CDH23: variants seen among roughly 807,000 people sequenced by gnomAD.
The protein encoded by CDH23 is cadherin related 23, also known as cadherin-23.
In CDH23, 189 loss-of-function variants were observed where a neutral mutation model predicts 317.1. The observed-to-expected ratio is 0.60, with a 90% CI of 0.53 to 0.67. The LOEUF (loss-of-function observed/expected upper bound fraction) is 0.67. Ranked by LOEUF, CDH23 falls within the 30% of genes least tolerant of loss-of-function variation. CDH23 has a pLI of 0.00. For missense variants in CDH23, 4,401 were observed against 4,592.4 expected, an observed-to-expected ratio of 0.96 and a Z score of 1.20; for synonymous variants, 1,839 against 1,876.8, an observed-to-expected ratio of 0.98 and a Z score of 0.52.
Position 71,815,344 on chromosome 10 carries a change from C to A in CDH23, c.*66C>A. On this transcript the variant is annotated 3_prime_UTR_variant, in exon 70 of 70. Coordinates refer to ENST00000224721, the MANE Select transcript of CDH23 (RefSeq NM_022124.6). ...ACCGTCCCCTCCCAGGGAGCAAGGG[C>A]AGGGACAGGGCCGGTCGGGGGGGAC... 1 of 1,432,516 alleles carries A rather than the reference C, an allele frequency of 7.0e-7. No individual in the cohort carries two copies. The highest frequency in any genetic ancestry group is 1.4e-5 in the South Asian group (1 of 70,222). 88.7% of individuals were successfully genotyped at this position (1,432,516 alleles called of 1,614,324 possible).
At chr10:71,637,065 T>C (rs1031804024) in intron 11 of CDH23, among the ~76,000 whole-genome samples, 2 of 152,166 alleles carry the variant, frequency 1.3e-5, no homozygotes, top group Non-Finnish European at 2.9e-5. Context: ...GAGTTGAAGG[T>C]GGAAGGAGAG....
chr10:71,430,971 C>T (rs1307819430), intron 1 of CDH23, among the ~76,000 whole-genome samples: 1 of 152,086 alleles, frequency 6.6e-6, no homozygotes, highest in Non-Finnish European at 1.5e-5. Context: ...AGCTAGGAGT[C>T]GGATAGCATG....
At chr10:71,452,742 G>A (rs372900798) in intron 3 of CDH23, among the ~76,000 whole-genome samples, 2 of 152,122 alleles carry the variant, frequency 1.3e-5, no homozygotes, top group South Asian at 4.1e-4. Flanking sequence ...AGCGATTTTA[G>A]TGTCTCTATT....
At chr10:71,750,009 T>C (rs748505) in intron 38 of CDH23, 49,361 of 152,060 alleles carry the variant, frequency 0.32, 9,183 homozygotes, top group African/African-American at 0.51. Context: ...ACCTCACCTG[T>C]CCCCATGCTC....
chr10:71,670,671 A>C (rs566688127), intron 14 of CDH23, among the ~76,000 whole-genome samples: 2 of 152,194 alleles, frequency 1.3e-5, no homozygotes, highest in Non-Finnish European at 2.9e-5. Flanking sequence ...ACTAAGCCCA[A>C]CCAGACTGTG....
intron 33 of CDH23, 118 bp from the exon 34 acceptor site, chr10:71,734,538 G>A: frequency 6.2e-7 from 1 of 1,606,326 alleles, no homozygotes; most frequent in Non-Finnish European, 8.5e-7. Flanking sequence ...CAGGCAGGTG[G>A]AGGGTGGCAC....
intron 11 of CDH23, among the ~76,000 whole-genome samples, chr10:71,619,740 AGGCCG>A (rs1415974685): frequency 1.3e-5 from 2 of 152,162 alleles, no homozygotes; most frequent in African/African-American, 2.4e-5. Context: ...GTGGGGAGGT[AGGCCG>A]GGACCCAGGT....
intron 14 of CDH23, among the ~76,000 whole-genome samples, chr10:71,657,352 A>G (rs1401668348): frequency 1.3e-5 from 2 of 152,242 alleles, no homozygotes; most frequent in Non-Finnish European, 2.9e-5. Context: ...GTCATAGGCC[A>G]GGGCCTGCCT....
chr10:71,656,919 G>T (rs1297725803), intron 14 of CDH23, among the ~76,000 whole-genome samples: 2 of 152,174 alleles, frequency 1.3e-5, no homozygotes, highest in African/African-American at 2.4e-5. Context: ...ATAGGCGGGG[G>T]GTAGGGGATG....
rs771799409 is a variant in CDH23 at position 71,790,316 on chromosome 10, C to T, written c.5952C>T (p.Pro1984=). 6.2e-7 allele frequency: 1 copy of T among 1,613,900 alleles called. No homozygotes were observed. The highest frequency in any genetic ancestry group is 8.5e-7 in the Non-Finnish European group (1 of 1,179,868). The change falls in exon 46 of 70, where the codon CCC becomes CCT. Residue 1984 remains proline (P), a synonymous_variant. Coordinates refer to ENST00000224721, the MANE Select transcript of CDH23 (RefSeq NM_022124.6). ...AGTPLTVLNG[P]ILALDADQDI... ...CCCCTCTCACGGTGCTCAATGGGCC[C>T]ATCCTGGCCCTGGATGCAGACCAAG...
intron 55 of CDH23, among the ~76,000 whole-genome samples, chr10:71,804,049 G>C (rs1248124393): frequency 6.8e-6 from 1 of 147,676 alleles, no homozygotes; most frequent in Non-Finnish European, 1.5e-5. Flanking sequence ...CAACGACTTT[G>C]AGCAAGTGAC....
chr10:71,677,508 T>C lies in CDH23; in HGVS notation c.1567T>C (p.Tyr523His). ...GLIMLIARLD[Y>H]ELIQRFTLTI... Reference sequence around the variant, plus strand: ...CATCATGCTGATTGCCAGGCTGGACTATGAGCTCATCCAGCGCTTCACCCT... The same window carrying C: ...CATCATGCTGATTGCCAGGCTGGACCATGAGCTCATCCAGCGCTTCACCCT... The change falls in exon 16 of 70, where the codon TAT becomes CAT. Residue 523 changes from tyrosine to histidine, a missense_variant. Physicochemically the swap from Tyr to His is moderately conservative, Grantham distance 83. Around this residue, in one of 3 missense-constraint regions of CDH23, gnomAD observed 3,068 missense variants for 3,203.3 expected, o/e 0.96. Coordinates refer to ENST00000224721, the MANE Select transcript of CDH23 (RefSeq NM_022124.6). 1 of 1,612,268 alleles carries C rather than the reference T, an allele frequency of 6.2e-7. No homozygotes were observed. Among genetic ancestry groups the C allele is most frequent in the Admixed American group, 1.7e-5 (1 of 59,838 alleles).
intron 3 of CDH23, among the ~76,000 whole-genome samples, chr10:71,478,347 C>T (rs1413177565): frequency 6.6e-6 from 1 of 152,216 alleles, no homozygotes; most frequent in East Asian, 1.9e-4. Flanking sequence ...ATCATGCAAC[C>T]TTACACCTCA....
chr10:71,522,973 C>T (rs1854786698), intron 6 of CDH23, among the ~76,000 whole-genome samples: 1 of 152,200 alleles, frequency 6.6e-6, no homozygotes, highest in Admixed American at 6.5e-5. Context: ...GGTCACACAG[C>T]TTGTCTCACA....
At chr10:71,430,154 G>A (rs1384998090) in intron 1 of CDH23, among the ~76,000 whole-genome samples, 1 of 152,122 alleles carries the variant, frequency 6.6e-6, no homozygotes, top group East Asian at 1.9e-4. Context: ...CCAGGCCTGA[G>A]CTGGGGTCTG....
intron 9 of CDH23, among the ~76,000 whole-genome samples, chr10:71,580,370 A>G (rs1858536660): frequency 6.6e-6 from 1 of 152,216 alleles, no homozygotes; most frequent in Non-Finnish European, 1.5e-5. Flanking sequence ...ACCACAGGGA[A>G]GGGATGTGTG....
intron 3 of CDH23, among the ~76,000 whole-genome samples, chr10:71,476,235 T>C (rs1306012541): frequency 6.6e-6 from 1 of 152,170 alleles, no homozygotes; most frequent in African/African-American, 2.4e-5. Context: ...CATGCCCCCG[T>C]CCCCACCCCT....
chr10:71,570,281 C>T (rs1857700382), intron 7 of CDH23, among the ~76,000 whole-genome samples: 2 of 152,214 alleles, frequency 1.3e-5, no homozygotes, highest in Admixed American at 6.5e-5. Context: ...GATTAATCCC[C>T]TCTGTGGCCT....
Position 71,716,262 on chromosome 10 carries a change from G to A in CDH23, c.3369+3449G>A, listed in dbSNP as rs114561565. Reference sequence around the variant, plus strand: ...TCAGTTGCCTCTGCAAGGGTCCCGGGAGTGACGGGAGCTGAGAGAAAGGCG... The same window carrying A: ...TCAGTTGCCTCTGCAAGGGTCCCGGAAGTGACGGGAGCTGAGAGAAAGGCG... On this transcript the variant is annotated intron_variant, in intron 28 of 69. Coordinates refer to ENST00000224721, the MANE Select transcript of CDH23 (RefSeq NM_022124.6). 4,228 of 1,543,424 alleles carry A rather than the reference G, an allele frequency of 2.7e-3. 65 individuals carry two copies. In the African/African-American group the frequency reaches 0.043, roughly 16 times the overall value.
Sources: gnomAD v4.1 joint callset for allele counts (sites outside exome capture counted in the v4.1 genomes callset) on GRCh38, gnomAD v4.1.1 for gene constraint, gnomAD v4.1.1 regional missense constraint, MANE v1.5 for transcripts, NCBI Gene and HGNC (gene_info 2026-07-23, HGNC 2026-07-21) for gene names.